Variants in CSMD1 observed in about 807,000 individuals in gnomAD.
The protein encoded by CSMD1 is CUB and Sushi multiple domains 1.
Under a neutral mutation model 417.5 loss-of-function variants are expected in CSMD1, and 213 were observed. The ratio of observed to expected loss-of-function variants is 0.51; its 90% confidence interval spans 0.46 to 0.57. CSMD1 has a LOEUF of 0.57. Among genes scored for constraint, CSMD1 ranks in the 20% least tolerant of loss-of-function variants. The pLI is 0.00. For synonymous variants in CSMD1, 2,862 were observed against 1,736.8 expected (o/e 1.65, Z -16.11); for missense variants, 6,923 against 4,529.7 (o/e 1.53, Z -15.17).
Position 3,780,654 on chromosome 8 carries a change from G to T in CSMD1, c.819-26612C>A, listed in dbSNP as rs182177627. Among the ~76,000 whole-genome samples the T allele has an allele frequency of 3.0e-4, 45 of 152,324 alleles. 1 individual carries two copies. The highest frequency in any genetic ancestry group is 1.7e-3 in the East Asian group (9 of 5,178). ...TCCCAGCTCCTGGGGTTGTAATCAA[G>T]CCCCTCACCTGTGCAAACCGCTTCA... On this transcript the variant is annotated intron_variant, in intron 5 of 69. Transcript: ENST00000635120.
In CSMD1 at chr8:4,566,639, G is replaced by C. The variant is rs200557286; in HGVS notation, c.302+70703C>G. 1.5e-3 allele frequency among the ~76,000 whole-genome samples: 199 copies of C among 129,090 alleles called. 2 individuals carry two copies. In the East Asian group the frequency reaches 0.029, roughly 19 times the overall value. 84.7% of individuals were successfully genotyped at this position (129,090 alleles called of 152,430 possible). A position where few individuals can be genotyped will look rare whatever the true frequency, so the allele number is the denominator to read the frequency against. ...CTGCACTCCAGCCTGGGTGACAGAG[G>C]GAGACTCTGACTCAAAAAAAAAAAA... On this transcript the variant is annotated intron_variant, in intron 2 of 69. Coordinates refer to ENST00000635120, the MANE Select transcript of CSMD1 (RefSeq NM_033225.6).
intron 2 of CSMD1, among the ~76,000 whole-genome samples, chr8:4,475,101 A>C (rs1283368411): frequency 6.6e-6 from 1 of 152,174 alleles, no homozygotes; most frequent in Non-Finnish European, 1.5e-5. Context: ...CATTTGAAAA[A>C]TGGATATGTG....
intron 1 of CSMD1, among the ~76,000 whole-genome samples, chr8:4,871,328 C>G (rs1802728233): frequency 1.3e-5 from 2 of 152,092 alleles, no homozygotes; most frequent in African/African-American, 2.4e-5. Flanking sequence ...TTTAGATTTT[C>G]TGATGCTTCC....
intron 7 of CSMD1, among the ~76,000 whole-genome samples, chr8:3,697,884 C>A (rs552803776): frequency 6.6e-6 from 1 of 151,942 alleles, no homozygotes; most frequent in African/African-American, 2.4e-5. Flanking sequence ...TGCTCTCTAG[C>A]CATTACGCAA....
intron 3 of CSMD1, among the ~76,000 whole-genome samples, chr8:4,319,232 G>A (rs937142191): frequency 1.3e-5 from 2 of 152,144 alleles, no homozygotes; most frequent in African/African-American, 4.8e-5. Flanking sequence ...CCTAAATCCT[G>A]ACAGTCATTT....
At chr8:3,662,316 T>G (rs572942393) in intron 7 of CSMD1, among the ~76,000 whole-genome samples, 3 of 152,338 alleles carry the variant, frequency 2.0e-5, no homozygotes, top group South Asian at 4.1e-4. Flanking sequence ...ATAAATGTTG[T>G]AAACAGTTAA....
intron 5 of CSMD1, among the ~76,000 whole-genome samples, chr8:3,873,101 G>T (rs1325512209): frequency 6.6e-6 from 1 of 152,062 alleles, no homozygotes; most frequent in Non-Finnish European, 1.5e-5. Flanking sequence ...ATACACTCTT[G>T]GTGGGAGTGT....
intron 2 of CSMD1, among the ~76,000 whole-genome samples, chr8:4,583,230 C>A (rs963477222): frequency 4.6e-5 from 7 of 152,352 alleles, no homozygotes; most frequent in East Asian, 1.9e-4. Flanking sequence ...GGCACAGGGA[C>A]TGGCAGGCAG....
At chr8:4,004,901 T>C (rs200344618) in intron 4 of CSMD1, among the ~76,000 whole-genome samples, 15,408 of 151,782 alleles carry the variant, frequency 0.1, 919 homozygotes, top group East Asian at 0.2. Context: ...CCCGCCACCA[T>C]GCCCAGCTAA....
chr8:2,954,697 C>G (rs1385993372), intron 64 of CSMD1, among the ~76,000 whole-genome samples: 1 of 152,180 alleles, frequency 6.6e-6, no homozygotes, highest in Non-Finnish European at 1.5e-5. Context: ...CTGAAAAATT[C>G]AAAATTATTT....
At chr8:3,525,968 C>G (rs1321734068) in intron 10 of CSMD1, among the ~76,000 whole-genome samples, 2 of 152,134 alleles carry the variant, frequency 1.3e-5, no homozygotes, top group African/African-American at 4.8e-5. Flanking sequence ...TTCTTCAGCT[C>G]TGGTAAAATC....
chr8:3,446,121 T>G lies in CSMD1; in HGVS notation c.1561+22591A>C, dbSNP rs1448881195. 2.6e-5 allele frequency among the ~76,000 whole-genome samples: 4 copies of G among 152,268 alleles called. No homozygotes were observed. The South Asian group carries it at 8.3e-4, about 32-fold the overall frequency. ...CTAAAAACTAATTTGAGAAGTTTGT[T>G]GTAATAGAATTGACTGCAAGAAAGG... On this transcript the variant is annotated intron_variant, in intron 12 of 69. Coordinates refer to ENST00000635120, the MANE Select transcript of CSMD1 (RefSeq NM_033225.6).
intron 3 of CSMD1, among the ~76,000 whole-genome samples, chr8:4,121,109 T>C (rs1056136764): frequency 2.6e-5 from 4 of 151,670 alleles, no homozygotes; most frequent in Non-Finnish European, 4.4e-5. Context: ...TTATTTATTT[T>C]TATTTTTATT....
intron 38 of CSMD1, among the ~76,000 whole-genome samples, chr8:3,161,331 T>C (rs1819878319): frequency 6.6e-6 from 1 of 151,958 alleles, no homozygotes; most frequent in Non-Finnish European, 1.5e-5. Context: ...TATAAAAAAC[T>C]CTTGGCTGGA....
intron 1 of CSMD1, among the ~76,000 whole-genome samples, chr8:4,663,986 GT>G (rs941906222): frequency 1.3e-5 from 2 of 152,142 alleles, no homozygotes; most frequent in African/African-American, 4.8e-5. Flanking sequence ...GGCTCCTGTT[GT>G]TTCTGGTTCG....
At chr8:3,709,329 T>C (rs900505022) in intron 6 of CSMD1, among the ~76,000 whole-genome samples, 7 of 152,114 alleles carry the variant, frequency 4.6e-5, no homozygotes, top group Non-Finnish European at 7.4e-5. Context: ...AGCAGGCAGA[T>C]CGGCTCCAAA....
At chr8:3,337,795 TGA>T (rs1230193353) in intron 23 of CSMD1, among the ~76,000 whole-genome samples, 1 of 152,218 alleles carries the variant, frequency 6.6e-6, no homozygotes, top group Non-Finnish European at 1.5e-5. Context: ...GATTATTTTA[TGA>T]GTCATTAAAC....
At chr8:3,336,619 C>T (rs1807277771) in intron 23 of CSMD1, among the ~76,000 whole-genome samples, 1 of 152,178 alleles carries the variant, frequency 6.6e-6, no homozygotes, top group Admixed American at 6.5e-5. Flanking sequence ...TACCACAGAG[C>T]AAGGGGCACA....
At chr8:4,488,884 C>T (rs1801556129) in intron 2 of CSMD1, among the ~76,000 whole-genome samples, 1 of 152,184 alleles carries the variant, frequency 6.6e-6, no homozygotes, top group South Asian at 2.1e-4. Flanking sequence ...TCCTTTCCTG[C>T]AGAATGTGCA....
Sources: allele counts gnomAD v4.1 joint callset (sites outside exome capture counted in the v4.1 genomes callset), GRCh38; gene constraint gnomAD v4.1.1; transcripts MANE v1.5; gene names NCBI Gene and HGNC (gene_info 2026-07-23, HGNC 2026-07-21).